The following LRMDA variants were observed in gnomAD, a reference collection of about 807,000 sequenced individuals.
The protein encoded by LRMDA is leucine-rich melanocyte differentiation-associated protein.
A neutral mutation model predicts 29.8 loss-of-function variants in LRMDA; 18 were observed. The observed-to-expected ratio is 0.60, with a 90% CI of 0.42 to 0.90. The LOEUF is 0.90. LRMDA is among the 40% of genes least tolerant of loss of function. LRMDA has a pLI of 0.00. For missense variants in LRMDA, 273 were observed against 273.9 expected, an observed-to-expected ratio of 1.00 and a Z score of 0.02; for synonymous variants, 125 against 109.4, an observed-to-expected ratio of 1.14 and a Z score of -0.89.
chr10:76,424,324 T>C (rs1002510259), intron 6 of LRMDA, among the ~76,000 whole-genome samples: 2 of 151,532 alleles, frequency 1.3e-5, no homozygotes, highest in Non-Finnish European at 2.9e-5. Context: ...GGTCAGGAGA[T>C]TGAGACCATC....
At position 76,331,929 on chromosome 10, in the gene LRMDA, C is replaced by T. The variant is rs2132408104; in HGVS notation, c.601+7444C>T. Among the ~76,000 whole-genome samples, 4 of 152,270 alleles carry T rather than the reference C, an allele frequency of 2.6e-5. No homozygotes were observed. The South Asian group carries it at 8.3e-4, about 32-fold the overall frequency. On this transcript the variant is annotated intron_variant, in intron 6 of 6. Transcript: ENST00000611255. ...TGACAGGTTTATTTTATCTGCGTGG[C>T]AGTAGGAGTCTATTTTCAGTGTGTG...
intron 3 of LRMDA, among the ~76,000 whole-genome samples, chr10:76,044,448 T>G (rs1393382716): frequency 6.6e-6 from 1 of 151,566 alleles, no homozygotes; most frequent in African/African-American, 2.4e-5. Flanking sequence ...TGTTTTTTTT[T>G]TTTTTTTTCT....
chr10:75,538,049 G>A (rs1331898413), intron 2 of LRMDA, among the ~76,000 whole-genome samples: 1 of 152,200 alleles, frequency 6.6e-6, no homozygotes, highest in Non-Finnish European at 1.5e-5. Flanking sequence ...GGGTATATGT[G>A]TTCCTGCTCC....
At chr10:76,415,579 T>G (rs2132513655) in intron 6 of LRMDA, among the ~76,000 whole-genome samples, 1 of 151,826 alleles carries the variant, frequency 6.6e-6, no homozygotes, top group Middle Eastern at 3.4e-3. Flanking sequence ...ATTAACATTC[T>G]CTCATCTTTG....
At chr10:76,258,174 C>G (rs1343104561) in intron 5 of LRMDA, among the ~76,000 whole-genome samples, 1 of 152,134 alleles carries the variant, frequency 6.6e-6, no homozygotes, top group Non-Finnish European at 1.5e-5. Flanking sequence ...TTTTTGCAGC[C>G]TTTTTTGTGA....
At chr10:76,449,081 C>T (rs532795967) in intron 6 of LRMDA, among the ~76,000 whole-genome samples, 15 of 151,754 alleles carry the variant, frequency 9.9e-5, no homozygotes, top group African/African-American at 3.6e-4. Context: ...ATCAAATATA[C>T]TAAATGAATT....
At chr10:75,590,157 G>A (rs1038607977) in intron 2 of LRMDA, among the ~76,000 whole-genome samples, 1 of 151,588 alleles carries the variant, frequency 6.6e-6, no homozygotes, top group Non-Finnish European at 1.5e-5. Context: ...TAGCTGGGAC[G>A]ACAGGCATGT....
At chr10:76,175,075 T>C (rs1284517038) in intron 5 of LRMDA, among the ~76,000 whole-genome samples, 15 of 152,146 alleles carry the variant, frequency 9.9e-5, no homozygotes, top group Non-Finnish European at 5.9e-5. Context: ...TGAGCCAAGA[T>C]CGCACCACTG....
chr10:76,507,824 TG>T (rs1842974275), intron 6 of LRMDA, among the ~76,000 whole-genome samples: 1 of 152,124 alleles, frequency 6.6e-6, no homozygotes, highest in African/African-American at 2.4e-5. Context: ...GGTTTATTTC[TG>T]GGTTCTCTAT....
chr10:76,429,021 T>C (rs1426071350), intron 6 of LRMDA, among the ~76,000 whole-genome samples: 2 of 67,294 alleles, frequency 3.0e-5, no homozygotes, highest in Non-Finnish European at 6.8e-5. Flanking sequence ...CCCTGCCAAT[T>C]ATACACACAC....
At chr10:76,158,439 A>G (rs1420073847) in intron 5 of LRMDA, among the ~76,000 whole-genome samples, 5 of 152,068 alleles carry the variant, frequency 3.3e-5, no homozygotes. Flanking sequence ...CACTTATTCT[A>G]CTTCTCCAAA....
At chr10:75,936,511 C>G (rs559551711) in intron 2 of LRMDA, among the ~76,000 whole-genome samples, 2 of 152,170 alleles carry the variant, frequency 1.3e-5, no homozygotes, top group Admixed American at 1.3e-4. Flanking sequence ...CATATTTACC[C>G]GCACATATCT....
intron 2 of LRMDA, among the ~76,000 whole-genome samples, chr10:75,639,458 G>A (rs1305120718): frequency 6.6e-6 from 1 of 152,174 alleles, no homozygotes; most frequent in Non-Finnish European, 1.5e-5. Flanking sequence ...GGGGTCTCTG[G>A]AAGACAGGTA....
intron 2 of LRMDA, among the ~76,000 whole-genome samples, chr10:75,973,330 C>T (rs139795587): frequency 2.0e-3 from 307 of 152,258 alleles, no homozygotes; most frequent in African/African-American, 7.0e-3. Context: ...GTGCAGTTCT[C>T]ATATGCCATC....
chr10:75,831,049 T>C (rs956863483), intron 2 of LRMDA, among the ~76,000 whole-genome samples: 1 of 143,498 alleles, frequency 7.0e-6, no homozygotes, highest in African/African-American at 2.5e-5. Context: ...AAGTCAAATC[T>C]TTTTTTTTTT....
At chr10:75,867,868 CAACTATT>C (rs904961165) in intron 2 of LRMDA, among the ~76,000 whole-genome samples, 3 of 152,124 alleles carry the variant, frequency 2.0e-5, no homozygotes, top group African/African-American at 7.2e-5. Context: ...GTCTCTGTTG[CAACTATT>C]CAAGTCTGCT....
intron 2 of LRMDA, among the ~76,000 whole-genome samples, chr10:75,559,716 G>A (rs1026005492): frequency 1.4e-5 from 2 of 147,914 alleles, no homozygotes; most frequent in African/African-American, 4.9e-5. Context: ...TGTATAAGGT[G>A]TAAGGAAGGG....
In LRMDA at chr10:75,745,363, G is replaced by T. The variant is rs375985214; in HGVS notation, c.132-290645G>T. On this transcript the variant is annotated intron_variant, in intron 2 of 6. Coordinates refer to ENST00000611255, the MANE Select transcript of LRMDA (RefSeq NM_001305581.2). Reference sequence around the variant, plus strand: ...GGGTGAAATTCACATAACATGATTCGCATCTTTTAATTTTTTGTTATTAAC... The same window carrying T: ...GGGTGAAATTCACATAACATGATTCTCATCTTTTAATTTTTTGTTATTAAC... 1.4e-4 allele frequency among the ~76,000 whole-genome samples: 22 copies of T among 151,872 alleles called. No individual in the cohort carries two copies. In the East Asian group the frequency reaches 3.3e-3, roughly 23 times the overall value.
chr10:76,552,328 C>T (rs1843506556), intron 6 of LRMDA, among the ~76,000 whole-genome samples: 1 of 152,212 alleles, frequency 6.6e-6, no homozygotes, highest in African/African-American at 2.4e-5. Context: ...GTGGTCAGCA[C>T]TTCTAGCTGT....
Sources: gnomAD v4.1 joint callset for allele counts (sites outside exome capture counted in the v4.1 genomes callset) on GRCh38, gnomAD v4.1.1 for gene constraint, MANE v1.5 for transcripts, NCBI Gene and HGNC (gene_info 2026-07-23, HGNC 2026-07-21) for gene names.